CADM2: variants seen among roughly 807,000 people sequenced by gnomAD.
CADM2 encodes cell adhesion molecule 2, also known as immunoglobulin superfamily member 4D.
Under a neutral mutation model 49.8 loss-of-function variants are expected in CADM2, and 12 were observed. The ratio of observed to expected loss-of-function variants is 0.24; its 90% CI spans 0.15 to 0.39. The LOEUF (loss-of-function observed/expected upper bound fraction) is 0.39, where lower values mean the gene tolerates loss of function less well. Among genes scored for constraint, CADM2 ranks in the 10% least tolerant of loss-of-function variants. The pLI, the probability that CADM2 is intolerant of heterozygous loss-of-function variation, is 1.00. For missense variants in CADM2, 378 were observed against 492.3 expected (o/e 0.77, Z 2.20); for synonymous variants, 214 against 175.4 (o/e 1.22, Z -1.74).
intron 1 of CADM2, among the ~76,000 whole-genome samples, chr3:85,220,058 G>A (rs2042012618): frequency 6.6e-6 from 1 of 152,070 alleles, no homozygotes; most frequent in South Asian, 2.1e-4. Context: ...TGATTAATGG[G>A]TTTTTAATAT....
chr3:85,738,996 T>C, intron 2 of CADM2, among the ~76,000 whole-genome samples: 1 of 152,032 alleles, frequency 6.6e-6, no homozygotes, highest in South Asian at 2.1e-4. Flanking sequence ...TCAATCTCAA[T>C]GATTTAAAAT....
At chr3:85,640,576 C>G (rs926836255) in intron 1 of CADM2, among the ~76,000 whole-genome samples, 1 of 152,036 alleles carries the variant, frequency 6.6e-6, no homozygotes, top group African/African-American at 2.4e-5. Context: ...TAGGGAACAG[C>G]AAGACGTTTG....
intron 1 of CADM2, among the ~76,000 whole-genome samples, chr3:85,140,125 TG>T (rs1046221410): frequency 2.6e-5 from 4 of 152,168 alleles, no homozygotes; most frequent in African/African-American, 7.2e-5. Context: ...GGTTAAAAGA[TG>T]GGCTCAGTCA....
At chr3:85,039,991 A>G (rs528772392) in intron 1 of CADM2, among the ~76,000 whole-genome samples, 3 of 152,232 alleles carry the variant, frequency 2.0e-5, no homozygotes, top group Admixed American at 6.5e-5. Context: ...TTCAGGCAGT[A>G]TGACTGTAGT....
chr3:85,118,819 C>T (rs1050288483), intron 1 of CADM2, among the ~76,000 whole-genome samples: 13 of 152,036 alleles, frequency 8.6e-5, no homozygotes, highest in Non-Finnish European at 1.3e-4. Context: ...GCGCGATCTC[C>T]GCTCACTGCA....
chr3:85,316,438 C>T (rs935001296), intron 1 of CADM2, among the ~76,000 whole-genome samples: 15 of 152,090 alleles, frequency 9.9e-5, no homozygotes, highest in Non-Finnish European at 1.9e-4. Context: ...TGTTGTCTGT[C>T]AGTAACAAAT....
At chr3:85,657,170 TG>T (rs1419581039) in intron 1 of CADM2, among the ~76,000 whole-genome samples, 2 of 152,184 alleles carry the variant, frequency 1.3e-5, no homozygotes, top group Non-Finnish European at 2.9e-5. Flanking sequence ...CAGCAAATGT[TG>T]GTTTTTATGT....
intron 3 of CADM2, among the ~76,000 whole-genome samples, chr3:85,860,639 CAG>C (rs770784594): frequency 7.6e-4 from 116 of 152,250 alleles, no homozygotes; most frequent in Admixed American, 1.4e-3. Flanking sequence ...GTAGAGAGAA[CAG>C]AGTTTTTTAG....
chr3:85,618,421 A>G (rs2063862841), intron 1 of CADM2, among the ~76,000 whole-genome samples: 1 of 152,056 alleles, frequency 6.6e-6, no homozygotes, highest in Non-Finnish European at 1.5e-5. Flanking sequence ...AACGAAACAG[A>G]AAAAAAAGAT....
At chr3:85,325,369 T>G (rs1330368713) in intron 1 of CADM2, among the ~76,000 whole-genome samples, 1 of 152,220 alleles carries the variant, frequency 6.6e-6, no homozygotes, top group Admixed American at 6.5e-5. Flanking sequence ...TTTAATTTCT[T>G]CTCATCCTCA....
intron 1 of CADM2, among the ~76,000 whole-genome samples, chr3:84,971,495 T>A (rs926320898): frequency 1.3e-5 from 2 of 152,154 alleles, no homozygotes; most frequent in Admixed American, 6.5e-5. Flanking sequence ...TAACTCCATT[T>A]CTCCATATCA....
intron 8 of CADM2, among the ~76,000 whole-genome samples, chr3:86,007,729 A>T (rs1464475908): frequency 1.3e-5 from 2 of 152,206 alleles, no homozygotes; most frequent in Non-Finnish European, 1.5e-5. Flanking sequence ...AGAGTGCAAT[A>T]CTATCAAGAC....
chr3:85,552,366 G>GTGTTTTT (rs2061828186), intron 1 of CADM2, among the ~76,000 whole-genome samples: 33 of 87,574 alleles, frequency 3.8e-4, no homozygotes, highest in Admixed American at 7.0e-4. Context: ...ACTTTGAAAA[G>GTGTTTTT]TTTTTTTTTT....
chr3:85,008,729 T>G (rs148659087), intron 1 of CADM2, among the ~76,000 whole-genome samples: 2 of 152,044 alleles, frequency 1.3e-5, no homozygotes, highest in East Asian at 3.9e-4. Context: ...ATAAGAAACA[T>G]ATATAAAGAG....
chr3:85,086,193 A>T (rs2037366543), intron 1 of CADM2, among the ~76,000 whole-genome samples: 1 of 152,162 alleles, frequency 6.6e-6, no homozygotes, highest in African/African-American at 2.4e-5. Context: ...AATTCTCAAG[A>T]ATAGGCGTTC....
At chr3:85,915,455 GC>G (rs1194585339) in intron 6 of CADM2, among the ~76,000 whole-genome samples, 1 of 152,100 alleles carries the variant, frequency 6.6e-6, no homozygotes, top group African/African-American at 2.4e-5. Context: ...CTTTAAGCGT[GC>G]AGAACATTCT....
intron 3 of CADM2, among the ~76,000 whole-genome samples, chr3:85,823,591 T>C (rs77858797): frequency 0.045 from 6,779 of 152,256 alleles, 522 homozygotes; most frequent in African/African-American, 0.15. Flanking sequence ...AGAGATAATG[T>C]CTACTTTGCA....
At chr3:85,570,792 G>T (rs1272799219) in intron 1 of CADM2, among the ~76,000 whole-genome samples, 10 of 152,164 alleles carry the variant, frequency 6.6e-5, no homozygotes, top group Non-Finnish European at 1.0e-4. Flanking sequence ...ACTTGTTTTG[G>T]GAGAGTAAAT....
chr3:85,124,842 A>G (rs1348637549), intron 1 of CADM2, among the ~76,000 whole-genome samples: 2 of 152,184 alleles, frequency 1.3e-5, no homozygotes, highest in Non-Finnish European at 2.9e-5. Flanking sequence ...ACACTGTACC[A>G]AAGTTGAAAA....
Sources: gnomAD v4.1 joint callset for allele counts (sites outside exome capture counted in the v4.1 genomes callset) on GRCh38, gnomAD v4.1.1 for gene constraint, MANE v1.5 for transcripts, NCBI Gene and HGNC (gene_info 2026-07-23, HGNC 2026-07-21) for gene names.